The following CAPN11 variants were observed in gnomAD, a reference collection of about 807,000 sequenced individuals.
CAPN11 encodes the protein calpain-11.
Under a neutral mutation model 105.3 loss-of-function variants are expected in CAPN11, and 108 were observed. The ratio of observed to expected loss-of-function variants is 1.03; its 90% CI spans 0.88 to 1.20. The LOEUF is 1.20. CAPN11 is among the 50% of genes most tolerant of loss of function. The pLI is 0.00. For missense variants in CAPN11, 883 were observed against 924.8 expected (o/e 0.95, Z 0.59); for synonymous variants, 329 against 344.5 (o/e 0.96, Z 0.50).
chr6:44,179,631 G>T lies in CAPN11; in HGVS notation c.1428+1G>T, dbSNP rs1259133312. ...CTTCCCTTCCCAGGTCCCAAAAGAG[G>T]TACAGAAGATAAAGATGTGGGGCTT... On this transcript the variant is annotated splice_donor_variant, in intron 13 of 22. Transcript: ENST00000398776. LOFTEE classifies it high-confidence loss of function. The T allele has an allele frequency of 1.2e-6, 2 of 1,613,126 alleles. No individual in the cohort carries two copies. The highest frequency in any genetic ancestry group is 1.7e-6 in the Non-Finnish European group (2 of 1,179,252).
In CAPN11 at chr6:44,182,306, C is replaced by CACACACACACACACAT. The variant is rs1554132531; in HGVS notation, c.1939-629_1939-628insACACACACATACACAC. Among the ~76,000 whole-genome samples, 69 of 66,674 alleles carry CACACACACACACACAT rather than the reference C, an allele frequency of 1.0e-3. 18 individuals are homozygous for CACACACACACACACAT. Among genetic ancestry groups the CACACACACACACACAT allele is most frequent in the Non-Finnish European group, 9.4e-4 (26 of 27,692 alleles). 43.7% of individuals were successfully genotyped at this position (66,674 alleles called of 152,430 possible). On this transcript the variant is annotated intron_variant, in intron 19 of 22. Transcript: ENST00000398776. Reference sequence around the variant, plus strand: ...CACACCACACACACACACACACACACACACACTCACATACAGACACAACCA... The same window carrying CACACACACACACACAT: ...CACACCACACACACACACACACACACACACACACACACACATACACACTCACATACAGACACAACCA...
At chr6:44,158,946 A>G (rs1768193359) in intron 1 of CAPN11, 82 bp downstream of exon 1, 1 of 1,220,244 alleles carries the variant, frequency 8.2e-7, no homozygotes, top group Non-Finnish European at 1.2e-6. Flanking sequence ...TGTGTCCCGC[A>G]TCAGACTGGG....
At chr6:44,177,485 TTTCTTTC>T in intron 12 of CAPN11, 65 bp downstream of exon 12, 2 of 1,415,808 alleles carry the variant, frequency 1.4e-6, no homozygotes, top group African/African-American at 1.4e-5. Flanking sequence ...CCTTTCTTTC[TTTCTTTC>T]TTTTTTTTTT....
At chr6:44,176,535 C>T in intron 9 of CAPN11, 46 bp from the exon 10 acceptor site, 1 of 1,550,860 alleles carries the variant, frequency 6.4e-7, no homozygotes, top group Non-Finnish European at 8.9e-7. Context: ...AAGGAGGTGC[C>T]ACATGACCTC....
intron 12 of CAPN11, among the ~76,000 whole-genome samples, chr6:44,178,411 T>C (rs546240161): frequency 6.6e-6 from 1 of 152,106 alleles, no homozygotes; most frequent in Non-Finnish European, 1.5e-5. Context: ...AGCCAAACCA[T>C]GCTTTGCAAA....
intron 7 of CAPN11, 89 bp downstream of exon 7, chr6:44,173,475 C>T: frequency 1.2e-6 from 1 of 804,664 alleles, no homozygotes; most frequent in Non-Finnish European, 2.0e-6. Context: ...GCACGGCCAG[C>T]ACCTTCTCAT....
chr6:44,177,097 G>T, intron 11 of CAPN11, 99 bp downstream of exon 11: 1 of 1,489,440 alleles, frequency 6.7e-7, no homozygotes, highest in East Asian at 2.3e-5. Context: ...CCGGAGTCAG[G>T]GTCCATGAGG....
rs777534157 is a variant in CAPN11 at position 44,182,978 on chromosome 6, C to G, written c.1976C>G (p.Thr659Ser). The G allele has an allele frequency of 3.7e-6, 6 of 1,611,698 alleles. No individual in the cohort carries two copies. Among genetic ancestry groups the G allele is most frequent in the African/African-American group, 2.7e-5 (2 of 74,872 alleles). Residue 659 changes from threonine (T) to serine (S), a missense_variant, in exon 20 of 23, where the codon ACC becomes AGC. By Grantham distance (58) the Thr-to-Ser change is moderately conservative (BLOSUM62 1). Coordinates refer to ENST00000398776, the MANE Select transcript of CAPN11 (RefSeq NM_007058.4). ...GAGTGTGACCAGGACCATTCAGGCACCTTGAACTCCTATGAGATGCGCCTG... is the reference window on the plus strand; with the variant it reads ...GAGTGTGACCAGGACCATTCAGGCAGCTTGAACTCCTATGAGATGCGCCTG... ...FRECDQDHSG[T>S]LNSYEMRLVI...
At chr6:44,161,225 A>G (rs574875311) in intron 1 of CAPN11, among the ~76,000 whole-genome samples, 1 of 145,366 alleles carries the variant, frequency 6.9e-6, no homozygotes, top group South Asian at 2.2e-4. Context: ...TTTGAGGTGG[A>G]GTCTCACTCT....
At chr6:44,169,876 C>A in intron 3 of CAPN11, 30 bp from the exon 4 acceptor site, 1 of 1,544,502 alleles carries the variant, frequency 6.5e-7, no homozygotes, top group Non-Finnish European at 8.9e-7. Context: ...GTGTCCTGGG[C>A]CCCCTGAAAC....
At chr6:44,167,594 A>G (rs1262989819) in intron 2 of CAPN11, among the ~76,000 whole-genome samples, 1 of 150,486 alleles carries the variant, frequency 6.6e-6, no homozygotes, top group Admixed American at 6.6e-5. Flanking sequence ...CAATTCAAAT[A>G]CCCTACAGTT....
chr6:44,162,332 G>A (rs148535136), intron 1 of CAPN11, among the ~76,000 whole-genome samples: 13 of 147,540 alleles, frequency 8.8e-5, no homozygotes, highest in African/African-American at 2.0e-4. Flanking sequence ...GTTTAACCCC[G>A]CCCCCGCAGC....
At chr6:44,166,167 G>A (rs952674642) in intron 1 of CAPN11, among the ~76,000 whole-genome samples, 1 of 152,114 alleles carries the variant, frequency 6.6e-6, no homozygotes, top group Non-Finnish European at 1.5e-5. Context: ...TTGGGGCAGT[G>A]GCAAGAGGAA....
Position 44,183,928 on chromosome 6 carries a change from G to A in CAPN11, c.2216G>A (p.Gly739Glu), listed in dbSNP as rs1277849237. The change falls in exon 23 of 23, where the codon GGA becomes GAA. Residue 739 changes from glycine to glutamate, a missense_variant. By Grantham distance (98) the Gly-to-Glu change is moderately conservative (BLOSUM62 -2). Coordinates refer to ENST00000398776, the MANE Select transcript of CAPN11 (RefSeq NM_007058.4). ...LEQWLQMTMW[G>E] ...CAGTGGCTGCAGATGACCATGTGGG[G>A]ATAGAGGCGCTGTAGGAGCCTGGTC... 5.8e-6 allele frequency: 9 copies of A among 1,555,550 alleles called. No individual in the cohort carries two copies. The highest frequency in any genetic ancestry group is 7.8e-6 in the Non-Finnish European group (9 of 1,149,238).
chr6:44,166,869 TTTC>T, intron 2 of CAPN11, 40 bp downstream of exon 2: 1 of 1,387,368 alleles, frequency 7.2e-7, no homozygotes, highest in Non-Finnish European at 1.0e-6. Flanking sequence ...GGCCTCCCTT[TTTC>T]TTCCTCCTCC....
At chr6:44,161,859 C>T (rs543305415) in intron 1 of CAPN11, 58 of 456,256 alleles carry the variant, frequency 1.3e-4, no homozygotes, top group Middle Eastern at 3.3e-4. Context: ...AGTGACTGCA[C>T]GGTGCAAGGG....
chr6:44,169,670 C>A, intron 3 of CAPN11, 139 bp downstream of exon 3: 1 of 1,006,192 alleles, frequency 9.9e-7, no homozygotes, highest in Non-Finnish European at 1.4e-6. Flanking sequence ...TTCATCAGAG[C>A]TGGGGACAGT....
chr6:44,179,478 C>G (rs1023624126), intron 12 of CAPN11, 141 bp from the exon 13 acceptor site: 1 of 754,462 alleles, frequency 1.3e-6, no homozygotes, highest in Admixed American at 2.0e-5. Flanking sequence ...CCCACTCCAC[C>G]ACCAGTATCC....
chr6:44,169,674 G>A, intron 3 of CAPN11, 143 bp downstream of exon 3: 1 of 990,140 alleles, frequency 1.0e-6, no homozygotes, highest in Admixed American at 2.8e-5. Context: ...TCAGAGCTGG[G>A]GACAGTTCTG....
Sources: allele counts gnomAD v4.1 joint callset (sites outside exome capture counted in the v4.1 genomes callset), GRCh38; gene constraint gnomAD v4.1.1; transcripts MANE v1.5; gene names NCBI Gene and HGNC (gene_info 2026-07-23, HGNC 2026-07-21).